GREB1L: variants seen among roughly 807,000 people sequenced by gnomAD.
GREB1L encodes the protein GREB1 like retinoic acid receptor coactivator.
Under a neutral mutation model 200.8 loss-of-function variants are expected in GREB1L, and 17 were observed. The ratio of observed to expected loss-of-function variants is 0.08; its 90% confidence interval spans 0.06 to 0.13. The LOEUF (loss-of-function observed/expected upper bound fraction) is 0.13, where lower values mean the gene tolerates loss of function less well. Among genes scored for constraint, GREB1L ranks in the 10% least tolerant of loss-of-function variants. The pLI, the probability that GREB1L is intolerant of heterozygous loss-of-function variation, is 1.00. For missense variants in GREB1L, 1,657 were observed against 2,367.7 expected (o/e 0.70, Z 6.23); for synonymous variants, 789 against 893.0 (o/e 0.88, Z 2.08).
chr18:21,274,914 A>G (rs143148741), intron 1 of GREB1L, among the ~76,000 whole-genome samples: 1 of 152,026 alleles, frequency 6.6e-6, no homozygotes, highest in East Asian at 1.9e-4. Context: ...TTAATTTAAA[A>G]AATTTTAAAA....
At chr18:21,361,376 A>G (rs1238583938) in intron 1 of GREB1L, among the ~76,000 whole-genome samples, 1 of 152,216 alleles carries the variant, frequency 6.6e-6, no homozygotes, top group African/African-American at 2.4e-5. Flanking sequence ...TCTTGAGTAC[A>G]GAGTGTTCCT....
Position 21,485,879 on chromosome 18 carries a change from C to G in GREB1L, c.2690+126C>G, listed in dbSNP as rs569471930. Reference sequence around the variant, plus strand: ...AGCCCTTGCAGATGACGTGCAAAGGCCAAATTAAAACAGCCTTTCCTAAGA... The same window carrying G: ...AGCCCTTGCAGATGACGTGCAAAGGGCAAATTAAAACAGCCTTTCCTAAGA... On this transcript the variant is annotated intron_variant, in intron 18 of 32. Transcript: ENST00000424526. 3.6e-5 allele frequency: 30 copies of G among 843,044 alleles called. No homozygotes were observed. In the East Asian group the frequency reaches 8.4e-4, roughly 24 times the overall value. The allele number at this position is 843,044 out of a possible 1,614,324, so 52.2% of individuals were successfully genotyped here.
chr18:21,506,219 C>T lies in GREB1L; in HGVS notation c.4368+270C>T, dbSNP rs184238460. 1.8e-3 allele frequency among the ~76,000 whole-genome samples: 278 copies of T among 152,152 alleles called. 1 individual carries two copies. Among genetic ancestry groups the T allele is most frequent in the Non-Finnish European group, 2.9e-3 (200 of 68,000 alleles). On this transcript the variant is annotated intron_variant, in intron 25 of 32. Transcript: ENST00000424526. ...GATCATCCTGGCCAACATGGTGAAA[C>T]CCCGTCTCTACCAAAAATACAAAAA...
intron 7 of GREB1L, among the ~76,000 whole-genome samples, chr18:21,423,542 C>A (rs1345972626): frequency 6.6e-6 from 1 of 152,086 alleles, no homozygotes; most frequent in Non-Finnish European, 1.5e-5. Context: ...TGCAGAATTC[C>A]TCAAAGAATT....
intron 7 of GREB1L, among the ~76,000 whole-genome samples, chr18:21,429,948 G>A (rs1332009333): frequency 6.6e-6 from 1 of 152,166 alleles, no homozygotes; most frequent in African/African-American, 2.4e-5. Context: ...CTGAGGTGCT[G>A]GCAGGATTGG....
intron 18 of GREB1L, 86 bp downstream of exon 18, chr18:21,485,839 C>T (rs1403788697): frequency 1.3e-5 from 18 of 1,349,138 alleles, no homozygotes; most frequent in Non-Finnish European, 1.8e-5. Flanking sequence ...GTCAGTGCTA[C>T]GGGGTGTTTG....
intron 11 of GREB1L, 51 bp from the exon 12 acceptor site, chr18:21,449,457 GTC>G: frequency 9.1e-7 from 1 of 1,096,202 alleles, no homozygotes; most frequent in South Asian, 1.6e-5. Flanking sequence ...GGGTGTGTGT[GTC>G]TCTCCTCCCT....
chr18:21,475,583 C>A (rs1019713350), intron 16 of GREB1L, among the ~76,000 whole-genome samples: 3 of 152,018 alleles, frequency 2.0e-5, no homozygotes, highest in African/African-American at 7.2e-5. Flanking sequence ...GCCTTGAACT[C>A]CTGACCTCGT....
intron 1 of GREB1L, among the ~76,000 whole-genome samples, chr18:21,293,812 C>T (rs2038486924): frequency 6.6e-6 from 1 of 152,132 alleles, no homozygotes; most frequent in South Asian, 2.1e-4. Context: ...GAGAGTCTTG[C>T]TCTCTTACCC....
intron 27 of GREB1L, 124 bp downstream of exon 27, chr18:21,508,715 G>GGA (rs2037119273): frequency 1.8e-5 from 7 of 380,584 alleles, no homozygotes; most frequent in South Asian, 8.5e-5. Flanking sequence ...CCACTCTTCG[G>GGA]AAAAAAAAAA....
chr18:21,431,166 C>T (rs527852115), intron 7 of GREB1L, among the ~76,000 whole-genome samples: 86 of 151,964 alleles, frequency 5.7e-4, no homozygotes, highest in Middle Eastern at 6.8e-3. Flanking sequence ...GGATTACAGG[C>T]GCCCACCACC....
At chr18:21,509,264 C>T (rs2037142798) in intron 27 of GREB1L, among the ~76,000 whole-genome samples, 1 of 152,234 alleles carries the variant, frequency 6.6e-6, no homozygotes, top group African/African-American at 2.4e-5. Context: ...GAGCTGCGCT[C>T]TTCTGGACAC....
intron 1 of GREB1L, among the ~76,000 whole-genome samples, chr18:21,346,399 T>C (rs2039345864): frequency 6.6e-6 from 1 of 151,856 alleles, no homozygotes; most frequent in Admixed American, 6.6e-5. Context: ...ATGTCATTTC[T>C]TTGCTTAACA....
intron 1 of GREB1L, among the ~76,000 whole-genome samples, chr18:21,296,720 T>C (rs928641031): frequency 1.3e-5 from 2 of 151,780 alleles, no homozygotes; most frequent in African/African-American, 4.8e-5. Flanking sequence ...AGTGGCGTGA[T>C]CTCAGCTCAT....
intron 2 of GREB1L, among the ~76,000 whole-genome samples, chr18:21,375,254 G>A (rs1371202340): frequency 3.3e-5 from 5 of 151,648 alleles, no homozygotes; most frequent in African/African-American, 7.3e-5. Flanking sequence ...TAGTAGAGAC[G>A]GGTTTCACCA....
At chr18:21,360,922 CATT>C (rs1424819322) in intron 1 of GREB1L, among the ~76,000 whole-genome samples, 2 of 152,092 alleles carry the variant, frequency 1.3e-5, no homozygotes, top group Admixed American at 6.6e-5. Flanking sequence ...TAACTGTTGA[CATT>C]GTTGGAAAAT....
intron 15 of GREB1L, among the ~76,000 whole-genome samples, chr18:21,469,593 A>G (rs188208324): frequency 1.8e-4 from 27 of 152,330 alleles, no homozygotes; most frequent in African/African-American, 5.8e-4. Flanking sequence ...AAGTGTGCCC[A>G]TTGCTACTAG....
intron 17 of GREB1L, among the ~76,000 whole-genome samples, chr18:21,483,401 T>C (rs1289962336): frequency 1.3e-5 from 2 of 152,154 alleles, no homozygotes; most frequent in African/African-American, 4.8e-5. Context: ...AAATGACTTA[T>C]TTGACACAGT....
At chr18:21,492,245 C>T (rs1270134648) in intron 19 of GREB1L, among the ~76,000 whole-genome samples, 1 of 151,934 alleles carries the variant, frequency 6.6e-6, no homozygotes, top group African/African-American at 2.4e-5. Flanking sequence ...ACTCGGGAGG[C>T]TGAGGCAGGA....
Sources: allele counts gnomAD v4.1 joint callset (sites outside exome capture counted in the v4.1 genomes callset), GRCh38; gene constraint gnomAD v4.1.1; transcripts MANE v1.5; gene names NCBI Gene and HGNC (gene_info 2026-07-23, HGNC 2026-07-21).